The following SEL1L2 variants were observed in gnomAD, a reference collection of about 807,000 sequenced individuals.
SEL1L2 encodes protein sel-1 homolog 2.
In SEL1L2, 89 loss-of-function variants were observed where a neutral mutation model predicts 98.8. That is an observed-to-expected ratio of 0.90 (90% CI 0.76 to 1.07). SEL1L2 has a LOEUF of 1.07. Among genes scored for constraint, SEL1L2 ranks in the 50% least tolerant of loss-of-function variants. The pLI is 0.00. For synonymous variants in SEL1L2, 262 were observed against 278.5 expected (o/e 0.94, Z 0.59); for missense variants, 788 against 812.0 (o/e 0.97, Z 0.36).
At chr20:13,891,195 C>T (rs2047190043) in intron 5 of SEL1L2, among the ~76,000 whole-genome samples, 2 of 152,026 alleles carry the variant, frequency 1.3e-5, no homozygotes, top group Admixed American at 1.3e-4. Flanking sequence ...CCGAAGAGCC[C>T]CAAACCAAGA....
intron 3 of SEL1L2, among the ~76,000 whole-genome samples, chr20:13,926,569 G>A (rs2048916542): frequency 6.6e-6 from 1 of 152,096 alleles, no homozygotes; most frequent in Admixed American, 6.6e-5. Context: ...AGCTGCCCCA[G>A]GAAGGAGGCA....
chr20:13,907,669 A>G (rs2047993489), intron 5 of SEL1L2, among the ~76,000 whole-genome samples: 1 of 151,684 alleles, frequency 6.6e-6, no homozygotes, highest in African/African-American at 2.4e-5. Context: ...GCAAATGAGT[A>G]ATTTCTCTTT....
intron 1 of SEL1L2, among the ~76,000 whole-genome samples, chr20:13,956,694 T>A (rs539112489): frequency 1.4e-3 from 220 of 152,272 alleles, no homozygotes; most frequent in Non-Finnish European, 2.6e-3. Context: ...CTTTTTTTTA[T>A]AAAGACTATA....
At chr20:13,953,217 C>G (rs983840479) in intron 2 of SEL1L2, among the ~76,000 whole-genome samples, 3 of 152,128 alleles carry the variant, frequency 2.0e-5, no homozygotes, top group Admixed American at 2.0e-4. Context: ...GGTAAAAGGC[C>G]TTGGGATTTT....
At chr20:13,934,612 T>C (rs560054696) in intron 2 of SEL1L2, among the ~76,000 whole-genome samples, 1 of 149,474 alleles carries the variant, frequency 6.7e-6, no homozygotes, top group South Asian at 2.1e-4. Flanking sequence ...TGACTTCTTT[T>C]CCTCTGAGTA....
chr20:13,986,347 CA>C (rs1469506716), intron 1 of SEL1L2, among the ~76,000 whole-genome samples: 2 of 152,150 alleles, frequency 1.3e-5, no homozygotes, highest in Non-Finnish European at 2.9e-5. Context: ...TCTACAGTTT[CA>C]AAACTTCATC....
At chr20:13,939,035 GTTTTGTT>G (rs1356556172) in intron 2 of SEL1L2, among the ~76,000 whole-genome samples, 1 of 31,472 alleles carries the variant, frequency 3.2e-5, no homozygotes, top group South Asian at 1.2e-3. Flanking sequence ...TTGTTTGCTT[GTTTTGTT>G]TTTTTTTTTT....
chr20:13,991,029 A>G (rs1284383612), upstream of SEL1L2, among the ~76,000 whole-genome samples: 3 of 152,216 alleles, frequency 2.0e-5, no homozygotes. Flanking sequence ...CCCAATCTGG[A>G]TGAAAATCTT....
At chr20:13,887,216 A>G (rs2046996944) in intron 8 of SEL1L2, among the ~76,000 whole-genome samples, 1 of 152,214 alleles carries the variant, frequency 6.6e-6, no homozygotes, top group Non-Finnish European at 1.5e-5. Flanking sequence ...AAACACATGA[A>G]ATGATCTCAT....
chr20:13,892,699 C>T lies in SEL1L2; in HGVS notation c.550-4187G>A, dbSNP rs189530821. Among the ~76,000 whole-genome samples, 11 of 152,166 alleles carry T rather than the reference C, an allele frequency of 7.2e-5. No individual in the cohort carries two copies. In the East Asian group the frequency reaches 9.7e-4, roughly 13 times the overall value. Reference sequence around the variant, plus strand: ...CTTCCCTATCAGTGATTGCTTTAGACGTAAATGGATTAAACTTCCAAATAA... The same window carrying T: ...CTTCCCTATCAGTGATTGCTTTAGATGTAAATGGATTAAACTTCCAAATAA... On this transcript the variant is annotated intron_variant, in intron 5 of 19. Coordinates refer to ENST00000284951, the MANE Select transcript of SEL1L2 (RefSeq NM_025229.2).
intron 1 of SEL1L2, among the ~76,000 whole-genome samples, chr20:13,971,103 A>G (rs2051264488): frequency 6.6e-6 from 1 of 151,566 alleles, no homozygotes; most frequent in Non-Finnish European, 1.5e-5. Flanking sequence ...CTGTTAGGTC[A>G]TTTGCCCATT....
chr20:13,901,724 C>G (rs867443306), intron 5 of SEL1L2, among the ~76,000 whole-genome samples: 1 of 150,886 alleles, frequency 6.6e-6, no homozygotes, highest in Admixed American at 6.6e-5. Context: ...TGCATTGGCA[C>G]GATCTCAGCT....
chr20:13,947,523 C>T (rs1221267080), intron 2 of SEL1L2, among the ~76,000 whole-genome samples: 1 of 152,150 alleles, frequency 6.6e-6, no homozygotes, highest in Non-Finnish European at 1.5e-5. Flanking sequence ...CAATTGTCTG[C>T]GTATCTCATT....
At chr20:13,981,269 T>G (rs1357697665) in intron 1 of SEL1L2, among the ~76,000 whole-genome samples, 2 of 151,136 alleles carry the variant, frequency 1.3e-5, no homozygotes, top group South Asian at 2.1e-4. Context: ...AAGAAAGAAA[T>G]AGAGAATAGA....
intron 17 of SEL1L2, among the ~76,000 whole-genome samples, chr20:13,862,746 G>A (rs1990360634): frequency 1.3e-5 from 2 of 151,950 alleles, no homozygotes. Flanking sequence ...GGAGTGCAGT[G>A]ATGTGATCAC....
chr20:13,910,194 C>T (rs2048154875), intron 5 of SEL1L2, among the ~76,000 whole-genome samples: 1 of 152,116 alleles, frequency 6.6e-6, no homozygotes, highest in African/African-American at 2.4e-5. Flanking sequence ...CATTAGGGGC[C>T]AGGTGGAGCT....
Position 13,849,554 on chromosome 20 carries a change from G to T in SEL1L2, c.1998C>A (p.His666Gln). ...TGAGGCCAATCACAAATAAGTCCCAGTGTGGTCCAATGGTGTTGTCCAGTT... is the reference window on the plus strand; with the variant it reads ...TGAGGCCAATCACAAATAAGTCCCATTGTGGTCCAATGGTGTTGTCCAGTT... Reference protein sequence around the residue: ...WLKLDNTIGPHWDLFVIGLIV... With the variant: ...WLKLDNTIGPQWDLFVIGLIV... Residue 666 changes from histidine (H) to glutamine (Q), a missense_variant, in exon 20 of 20, where the codon CAC becomes CAA. His to Gln is a conservative substitution (Grantham distance 24). Transcript: ENST00000284951. 1 of 1,614,036 alleles carries T rather than the reference G, an allele frequency of 6.2e-7. No individual in the cohort carries two copies. Among genetic ancestry groups the T allele is most frequent in the East Asian group, 2.2e-5 (1 of 44,876 alleles).
chr20:13,968,762 T>C (rs978702092), intron 1 of SEL1L2, among the ~76,000 whole-genome samples: 1 of 152,172 alleles, frequency 6.6e-6, no homozygotes. Context: ...TGAGAAAACA[T>C]TCCCTGGACT....
chr20:13,906,393 A>C (rs1323300205), intron 5 of SEL1L2, among the ~76,000 whole-genome samples: 1 of 152,196 alleles, frequency 6.6e-6, no homozygotes, highest in Non-Finnish European at 1.5e-5. Flanking sequence ...AAAAAGATTA[A>C]GCAATTTTCC....
Sources: gnomAD v4.1 joint callset for allele counts (sites outside exome capture counted in the v4.1 genomes callset) on GRCh38, gnomAD v4.1.1 for gene constraint, MANE v1.5 for transcripts, NCBI Gene and HGNC (gene_info 2026-07-23, HGNC 2026-07-21) for gene names.